Variants in VPS13B observed in about 807,000 individuals in gnomAD.
VPS13B encodes intermembrane lipid transfer protein VPS13B.
Under a neutral mutation model 426.4 loss-of-function variants are expected in VPS13B, and 285 were observed. That is an observed-to-expected ratio of 0.67 (90% CI 0.61 to 0.74). The LOEUF is 0.74. Ranked by LOEUF, VPS13B falls within the 30% of genes least tolerant of loss-of-function variation. VPS13B has a pLI of 0.00. For missense variants in VPS13B, 4,537 were observed against 4,782.6 expected, an observed-to-expected ratio of 0.95 and a Z score of 1.51; for synonymous variants, 1,676 against 1,676.4, an observed-to-expected ratio of 1.00 and a Z score of 0.01.
intron 31 of VPS13B, among the ~76,000 whole-genome samples, chr8:99,558,498 G>T (rs1396570018): frequency 2.0e-5 from 3 of 152,088 alleles, no homozygotes; most frequent in African/African-American, 7.2e-5. Flanking sequence ...CCATGTTGGT[G>T]TGCTGCACCC....
In VPS13B at chr8:99,559,574, A is replaced by G. The variant is rs1168207270; in HGVS notation, c.4949+2921A>G. ...TTAAGTCTTTAATCCATCTTGAATT[A>G]ATTTTTGTATAAGGTGTAAGGAAGG... On this transcript the variant is annotated intron_variant, in intron 31 of 61. Transcript: ENST00000357162. 5.9e-5 allele frequency among the ~76,000 whole-genome samples: 9 copies of G among 152,110 alleles called. No homozygotes were observed. The East Asian group carries it at 9.7e-4, about 16-fold the overall frequency.
intron 16 of VPS13B, among the ~76,000 whole-genome samples, chr8:99,178,188 G>A (rs1812743558): frequency 1.3e-5 from 2 of 150,136 alleles, no homozygotes; most frequent in African/African-American, 2.5e-5. Context: ...CTAAGTTTTA[G>A]GGTACATGTG....
chr8:99,697,228 T>C, intron 35 of VPS13B: 1 of 569,368 alleles, frequency 1.8e-6, no homozygotes, highest in Non-Finnish European at 3.2e-6. Flanking sequence ...AAGCTGGAGG[T>C]CACGCTGCAG....
chr8:99,482,047 G>T (rs1352237589), intron 25 of VPS13B, among the ~76,000 whole-genome samples: 8 of 152,088 alleles, frequency 5.3e-5, no homozygotes, highest in Admixed American at 5.2e-4. Flanking sequence ...GGTGAAAACT[G>T]AGACACAGTA....
intron 21 of VPS13B, among the ~76,000 whole-genome samples, chr8:99,414,645 T>C (rs1815889152): frequency 6.6e-6 from 1 of 152,210 alleles, no homozygotes. Context: ...ATTTCCTTTC[T>C]GTAAAGGATT....
At chr8:99,858,653 C>G (rs927138641) in intron 56 of VPS13B, among the ~76,000 whole-genome samples, 2 of 151,984 alleles carry the variant, frequency 1.3e-5, no homozygotes, top group African/African-American at 4.8e-5. Flanking sequence ...CCACTGCACT[C>G]CAGCCTGGGT....
At chr8:99,144,506 A>T (rs916292620) in intron 13 of VPS13B, among the ~76,000 whole-genome samples, 2 of 150,864 alleles carry the variant, frequency 1.3e-5, no homozygotes, top group African/African-American at 2.4e-5. Flanking sequence ...AAAAAAAAAA[A>T]GCTGCTGTTT....
At chr8:99,068,532 T>A (rs1299046261) in intron 3 of VPS13B, among the ~76,000 whole-genome samples, 2 of 152,216 alleles carry the variant, frequency 1.3e-5, no homozygotes, top group Non-Finnish European at 2.9e-5. Context: ...AATGGCAGAA[T>A]TGAGAAGTTG....
intron 34 of VPS13B, among the ~76,000 whole-genome samples, chr8:99,658,983 C>T (rs1218555530): frequency 5.9e-5 from 9 of 152,048 alleles, no homozygotes; most frequent in Admixed American, 5.9e-4. Flanking sequence ...GCAGGTGCCA[C>T]CACGCCCAGC....
intron 8 of VPS13B, among the ~76,000 whole-genome samples, chr8:99,126,482 C>G (rs907670344): frequency 6.6e-6 from 1 of 152,092 alleles, no homozygotes; most frequent in South Asian, 2.1e-4. Context: ...TGAAAATAAT[C>G]TGGAGGACAA....
rs3134188 is a variant in VPS13B at position 99,436,261 on chromosome 8, A to G, written c.3210+4597A>G. On this transcript the variant is annotated intron_variant, in intron 22 of 61. Coordinates refer to ENST00000357162, the MANE Select transcript of VPS13B (RefSeq NM_152564.5). ...AATATTTAAGGTTACTTCCAACTCT[A>G]ACATTATTGTATGATTCTTTTGCTT... 4.2e-3 allele frequency among the ~76,000 whole-genome samples: 633 copies of G among 152,310 alleles called. 19 individuals carry two copies. In the East Asian group the frequency reaches 0.09, roughly 22 times the overall value.
At chr8:99,226,008 G>A (rs1222315586) in intron 17 of VPS13B, among the ~76,000 whole-genome samples, 2 of 151,880 alleles carry the variant, frequency 1.3e-5, no homozygotes, top group East Asian at 1.9e-4. Context: ...GCAGTGGTGC[G>A]ATCTCAGCTC....
chr8:99,331,978 T>A (rs1170704750), intron 19 of VPS13B, among the ~76,000 whole-genome samples: 1 of 151,844 alleles, frequency 6.6e-6, no homozygotes, highest in Non-Finnish European at 1.5e-5. Context: ...AAGGAATTTT[T>A]AAAAAATTTA....
rs774261363 is a variant in VPS13B at position 99,038,558 on chromosome 8, G to A, written c.283G>A (p.Gly95Arg). ...TMECILKLKD[G>R]IQDDHESCGS... Reference sequence around the variant, plus strand: ...GGAATGCATTTTGAAACTTAAGGATGGGATACAGGTAAGAAATTATTGAAC... The same window carrying A: ...GGAATGCATTTTGAAACTTAAGGATAGGATACAGGTAAGAAATTATTGAAC... The change falls in exon 3 of 62, where the codon GGG becomes AGG. Residue 95 changes from glycine to arginine, a missense_variant. Around this residue, in one of 2 missense-constraint regions of VPS13B, gnomAD observed 226 missense variants for 308.3 expected, o/e 0.73. Transcript: ENST00000357162. 1 of 1,612,050 alleles carries A rather than the reference G, an allele frequency of 6.2e-7. No homozygotes were observed. Among genetic ancestry groups the A allele is most frequent in the Non-Finnish European group, 8.5e-7 (1 of 1,178,986 alleles).
intron 3 of VPS13B, among the ~76,000 whole-genome samples, chr8:99,047,845 G>T (rs1222601133): frequency 1.3e-5 from 2 of 152,028 alleles, no homozygotes. Context: ...CTGCCACCAT[G>T]CATGACTAAT....
chr8:99,747,988 G>A (rs16897651), intron 39 of VPS13B, among the ~76,000 whole-genome samples: 2,996 of 151,954 alleles, frequency 0.02, 108 homozygotes, highest in African/African-American at 0.069. Context: ...TGTTGTTGTC[G>A]TTTATCCATC....
Position 99,289,062 on chromosome 8 carries a change from T to TGAAA in VPS13B, c.2824+13812_2824+13815dup, listed in dbSNP as rs1340543285. Among the ~76,000 whole-genome samples, 216 of 148,940 alleles carry TGAAA rather than the reference T, an allele frequency of 1.5e-3. 1 individual carries two copies. Among genetic ancestry groups the TGAAA allele is most frequent in the Admixed American group, 2.1e-3 (32 of 14,904 alleles). On this transcript the variant is annotated intron_variant, in intron 19 of 61. Coordinates refer to ENST00000357162, the MANE Select transcript of VPS13B (RefSeq NM_152564.5). ...ATGAATGAATGAATGAATGAATGAA[T>TGAAA]GAAAGAAGGAAGGAAGGAAGGAAAG...
At chr8:99,659,087 G>A (rs982174123) in intron 34 of VPS13B, among the ~76,000 whole-genome samples, 4 of 152,116 alleles carry the variant, frequency 2.6e-5, no homozygotes, top group Non-Finnish European at 5.9e-5. Context: ...TGCTCACCTC[G>A]GCCTTCCAAA....
chr8:99,443,692 A>T (rs529446088), intron 23 of VPS13B, among the ~76,000 whole-genome samples: 1 of 152,166 alleles, frequency 6.6e-6, no homozygotes, highest in Non-Finnish European at 1.5e-5. Context: ...TTATGGATAT[A>T]TCAAATTTTT....
Sources: gnomAD v4.1 joint callset for allele counts (sites outside exome capture counted in the v4.1 genomes callset) on GRCh38, gnomAD v4.1.1 for gene constraint, gnomAD v4.1.1 regional missense constraint, MANE v1.5 for transcripts, NCBI Gene and HGNC (gene_info 2026-07-23, HGNC 2026-07-21) for gene names.